HIVEP1: variants seen among roughly 807,000 people sequenced by gnomAD.
HIVEP1 encodes the protein zinc finger protein 40.
HIVEP1 carries 36 observed loss-of-function variants against 180.0 expected under a neutral mutation model. That is an observed-to-expected ratio of 0.20 (90% CI 0.15 to 0.26). The LOEUF (loss-of-function observed/expected upper bound fraction) is 0.26, where lower values mean the gene tolerates loss of function less well. Ranked by LOEUF, HIVEP1 falls within the 10% of genes least tolerant of loss-of-function variation. The pLI, the probability that HIVEP1 is intolerant of heterozygous loss-of-function variation, is 1.00. For synonymous variants in HIVEP1, 1,239 were observed against 1,239.0 expected (o/e 1.00, Z 0.00); for missense variants, 3,143 against 3,268.7 (o/e 0.96, Z 0.94).
At chr6:12,091,958 C>T (rs748595079) in intron 3 of HIVEP1, among the ~76,000 whole-genome samples, 16 of 152,114 alleles carry the variant, frequency 1.1e-4, no homozygotes, top group Admixed American at 2.6e-4. Context: ...ATAAATAGAT[C>T]GATTAGGAGA....
At chr6:12,161,224 C>T (rs1036836554) in intron 7 of HIVEP1, among the ~76,000 whole-genome samples, 2 of 152,188 alleles carry the variant, frequency 1.3e-5, no homozygotes, top group South Asian at 4.1e-4. Context: ...TCCCTGACCC[C>T]GGCCCCTCCC....
chr6:12,024,910 C>T (rs1264035011), intron 2 of HIVEP1, among the ~76,000 whole-genome samples: 1 of 152,200 alleles, frequency 6.6e-6, no homozygotes, highest in Non-Finnish European at 1.5e-5. Context: ...CCTCCTCATT[C>T]TGCAGATGGG....
intron 2 of HIVEP1, chr6:12,039,190 G>A (rs1050562852): frequency 6.6e-6 from 1 of 152,118 alleles, no homozygotes; most frequent in Non-Finnish European, 1.5e-5. Context: ...TTTTCAAATT[G>A]GAATGCTTGG....
downstream of HIVEP1, among the ~76,000 whole-genome samples, chr6:12,168,283 T>TTATATACATATATACA (rs1554161578): frequency 3.4e-5 from 4 of 117,612 alleles, no homozygotes; most frequent in African/African-American, 9.7e-5. Flanking sequence ...TATACATATA[T>TTATATACATATATACA]TATATACATA....
intron 2 of HIVEP1, among the ~76,000 whole-genome samples, chr6:12,056,325 C>G (rs1241008893): frequency 2.0e-5 from 3 of 152,086 alleles, no homozygotes; most frequent in Non-Finnish European, 4.4e-5. Context: ...GTATGATGTT[C>G]TTAAGGAAAA....
intron 2 of HIVEP1, chr6:12,039,352 T>A (rs1456155383): frequency 6.6e-6 from 1 of 152,248 alleles, no homozygotes; most frequent in African/African-American, 2.4e-5. Flanking sequence ...TTATCCAACG[T>A]CATGACTTAA....
At chr6:12,185,183 A>C in the HIVEP1 span, among the ~76,000 whole-genome samples, 1 of 152,240 alleles carries the variant, frequency 6.6e-6, no homozygotes, top group Admixed American at 6.5e-5. Flanking sequence ...ACAGGCAGGC[A>C]GACACACCTT....
chr6:12,097,452 A>G (rs919033291), intron 3 of HIVEP1, among the ~76,000 whole-genome samples: 33 of 152,114 alleles, frequency 2.2e-4, no homozygotes, highest in Non-Finnish European at 7.4e-5. Flanking sequence ...CATGAGGTAG[A>G]CTGGCAGCAG....
At chr6:12,088,280 T>C (rs1773232071) in intron 2 of HIVEP1, among the ~76,000 whole-genome samples, 1 of 152,096 alleles carries the variant, frequency 6.6e-6, no homozygotes, top group African/African-American at 2.4e-5. Context: ...ACTTACACAT[T>C]TGGGATATGT....
intron 2 of HIVEP1, among the ~76,000 whole-genome samples, chr6:12,036,776 C>T (rs1037437878): frequency 4.6e-5 from 7 of 152,158 alleles, no homozygotes; most frequent in African/African-American, 1.7e-4. Flanking sequence ...TGCGTGGTGG[C>T]GCACGCCTGT....
intron 2 of HIVEP1, among the ~76,000 whole-genome samples, chr6:12,031,110 AAGGTAGATCAG>A (rs1170891651): frequency 6.6e-6 from 1 of 152,162 alleles, no homozygotes; most frequent in East Asian, 1.9e-4. Flanking sequence ...TTTAAAGCCA[AAGGTAGATCAG>A]AGCTTAATTG....
the HIVEP1 span, among the ~76,000 whole-genome samples, chr6:12,176,796 GAT>G: frequency 6.6e-6 from 1 of 152,044 alleles, no homozygotes; most frequent in African/African-American, 2.4e-5. Flanking sequence ...TTACTCTGTT[GAT>G]ATATTCTTTT....
chr6:12,034,510 C>A (rs545800051), intron 2 of HIVEP1, among the ~76,000 whole-genome samples: 1 of 152,148 alleles, frequency 6.6e-6, no homozygotes. Flanking sequence ...GCGACCCTGA[C>A]GCTGCAGTTC....
At chr6:12,021,376 C>T (rs923844209) in intron 2 of HIVEP1, among the ~76,000 whole-genome samples, 9 of 151,362 alleles carry the variant, frequency 5.9e-5, no homozygotes, top group African/African-American at 2.2e-4. Context: ...CTGGAAGTTA[C>T]TTCTTCTCCT....
At chr6:12,189,207 T>A in the HIVEP1 span, among the ~76,000 whole-genome samples, 2 of 151,980 alleles carry the variant, frequency 1.3e-5, no homozygotes, top group East Asian at 1.9e-4. Context: ...TAATATTTTT[T>A]AAATGTTTAA....
rs1209853522 is a variant in HIVEP1 at position 12,125,235 on chromosome 6, G to C, written c.5440G>C (p.Glu1814Gln). 20 of 1,614,050 alleles carry C rather than the reference G, an allele frequency of 1.2e-5. No homozygotes were observed. The East Asian group carries it at 3.6e-4, about 29-fold the overall frequency. The part of the protein sequence containing the change: ...TTEPLDGVML[E>Q]KDVFSQPEIS... ...AGAGCCCCTGGACGGTGTGATGTTG[G>C]AAAAGGATGTTTTTTCTCAACCTGA... The change falls in exon 4 of 9, where the codon GAA becomes CAA. Residue 1814 changes from glutamate (E) to glutamine (Q), a missense_variant. Physicochemically the swap from Glu to Gln is conservative, Grantham distance 29. Coordinates refer to ENST00000379388, the MANE Select transcript of HIVEP1 (RefSeq NM_002114.4).
chr6:12,041,653 AAATT>A (rs1561879634), intron 2 of HIVEP1, among the ~76,000 whole-genome samples: 1 of 151,630 alleles, frequency 6.6e-6, no homozygotes, highest in African/African-American at 2.4e-5. Flanking sequence ...TTGATAGAAC[AAATT>A]AATTGTTTGT....
At chr6:12,145,550 A>G (rs369495790) in intron 7 of HIVEP1, among the ~76,000 whole-genome samples, 1 of 151,340 alleles carries the variant, frequency 6.6e-6, no homozygotes, top group East Asian at 1.9e-4. Flanking sequence ...CCTCTACCAG[A>G]TACTGTGAGA....
At chr6:12,133,252 C>T (rs1053994235) in intron 6 of HIVEP1, among the ~76,000 whole-genome samples, 7 of 152,208 alleles carry the variant, frequency 4.6e-5, no homozygotes, top group Admixed American at 1.3e-4. Flanking sequence ...CATGATTCTA[C>T]GTTAAAGGTC....
Sources: gnomAD v4.1 joint callset for allele counts (sites outside exome capture counted in the v4.1 genomes callset) on GRCh38, gnomAD v4.1.1 for gene constraint, MANE v1.5 for transcripts, NCBI Gene and HGNC (gene_info 2026-07-23, HGNC 2026-07-21) for gene names.